Variants in CCSER1 observed in about 807,000 individuals in gnomAD.
CCSER1 encodes the protein serine-rich coiled-coil domain-containing protein 1.
A neutral mutation model predicts 82.0 loss-of-function variants in CCSER1; 41 were observed. The ratio of observed to expected loss-of-function variants is 0.50; its 90% confidence interval spans 0.39 to 0.65. The LOEUF is 0.65. Among genes scored for constraint, CCSER1 ranks in the 30% least tolerant of loss-of-function variants. The pLI, the probability that CCSER1 is intolerant of heterozygous loss-of-function variation, is 0.00. For missense variants in CCSER1, 1,119 were observed against 1,064.2 expected, an observed-to-expected ratio of 1.05 and a Z score of -0.72; for synonymous variants, 414 against 383.9, an observed-to-expected ratio of 1.08 and a Z score of -0.92.
intron 10 of CCSER1, among the ~76,000 whole-genome samples, chr4:91,143,255 T>A (rs1297176316): frequency 2.3e-5 from 2 of 88,246 alleles, no homozygotes; most frequent in Non-Finnish European, 4.6e-5. Flanking sequence ...GTGAATTTGA[T>A]TTTTTTTTTT....
At chr4:91,526,281 C>T (rs1311673176) in intron 10 of CCSER1, among the ~76,000 whole-genome samples, 1 of 152,194 alleles carries the variant, frequency 6.6e-6, no homozygotes, top group African/African-American at 2.4e-5. Context: ...TGGATAAACT[C>T]AACCAATTGT....
chr4:91,311,520 G>A (rs1263219389), intron 10 of CCSER1, among the ~76,000 whole-genome samples: 1 of 151,788 alleles, frequency 6.6e-6, no homozygotes, highest in African/African-American at 2.4e-5. Flanking sequence ...TTATTTCATT[G>A]AACATGCCTA....
intron 7 of CCSER1, among the ~76,000 whole-genome samples, chr4:90,732,540 CATAAACATT>C (rs1231515281): frequency 1.3e-5 from 2 of 152,094 alleles, no homozygotes; most frequent in African/African-American, 2.4e-5. Context: ...AGGTATTTAA[CATAAACATT>C]ATTGTACAAA....
At chr4:91,442,186 A>G (rs1215564402) in intron 10 of CCSER1, among the ~76,000 whole-genome samples, 1 of 151,102 alleles carries the variant, frequency 6.6e-6, no homozygotes, top group Non-Finnish European at 1.5e-5. Context: ...CCAAAAGAAC[A>G]AAGCTGGAGG....
At chr4:90,703,100 A>T (rs559477072) in intron 6 of CCSER1, among the ~76,000 whole-genome samples, 30 of 152,036 alleles carry the variant, frequency 2.0e-4, no homozygotes, top group African/African-American at 7.0e-4. Flanking sequence ...GCTTTCTCTT[A>T]TGGGCATTTA....
At chr4:90,915,338 C>G (rs1460089373) in intron 8 of CCSER1, among the ~76,000 whole-genome samples, 1 of 152,110 alleles carries the variant, frequency 6.6e-6, no homozygotes, top group East Asian at 1.9e-4. Flanking sequence ...GGCTTCATCC[C>G]TGGGATGTGA....
intron 9 of CCSER1, among the ~76,000 whole-genome samples, chr4:90,933,347 C>G (rs1383472495): frequency 1.3e-5 from 2 of 151,488 alleles, no homozygotes; most frequent in Admixed American, 6.6e-5. Context: ...GCCACCACGC[C>G]CGGCTAATTT....
rs576593041 is a variant in CCSER1, at chr4:90,255,446, A to C, written c.-41-52798A>C. Reference sequence around the variant, plus strand: ...ACCATCTCTGCTCTGCATTTAATAAATATGAATCATTTTATAGAAATACAG... The same window carrying C: ...ACCATCTCTGCTCTGCATTTAATAACTATGAATCATTTTATAGAAATACAG... On this transcript the variant is annotated intron_variant, in intron 1 of 10. Transcript: ENST00000509176. Among the ~76,000 whole-genome samples the C allele has an allele frequency of 4.6e-5, 7 of 152,260 alleles. No individual in the cohort carries two copies. The South Asian group carries it at 1.5e-3, about 32-fold the overall frequency.
At chr4:91,595,886 G>T (rs897769044) in intron 10 of CCSER1, among the ~76,000 whole-genome samples, 1 of 133,952 alleles carries the variant, frequency 7.5e-6, no homozygotes, top group African/African-American at 2.9e-5. Context: ...CCTGCACAAT[G>T]CAATCTCCTA....
intron 10 of CCSER1, among the ~76,000 whole-genome samples, chr4:91,329,865 A>G (rs1352661700): frequency 1.3e-5 from 2 of 152,026 alleles, no homozygotes; most frequent in African/African-American, 4.8e-5. Flanking sequence ...AATGTTATTT[A>G]TATTTGGCTT....
At chr4:91,437,696 C>T (rs979218008) in intron 10 of CCSER1, among the ~76,000 whole-genome samples, 58 of 152,298 alleles carry the variant, frequency 3.8e-4, no homozygotes, top group South Asian at 2.7e-3. Flanking sequence ...ACTCAGGAAG[C>T]GCAAGGGGTC....
intron 6 of CCSER1, among the ~76,000 whole-genome samples, chr4:90,710,982 T>C (rs1400721044): frequency 6.6e-6 from 1 of 152,158 alleles, no homozygotes; most frequent in African/African-American, 2.4e-5. Context: ...TTTATCTATT[T>C]CTTTGTGTCC....
At chr4:90,699,375 G>T (rs554476843) in intron 6 of CCSER1, among the ~76,000 whole-genome samples, 8 of 152,258 alleles carry the variant, frequency 5.3e-5, no homozygotes, top group African/African-American at 1.4e-4. Context: ...CGGGGCATGA[G>T]AATCTCTTGA....
intron 1 of CCSER1, among the ~76,000 whole-genome samples, chr4:90,199,534 A>G (rs1447806550): frequency 1.3e-5 from 2 of 152,226 alleles, no homozygotes; most frequent in African/African-American, 2.4e-5. Flanking sequence ...AAATTATTGT[A>G]TAATTAAAAA....
intron 3 of CCSER1, among the ~76,000 whole-genome samples, chr4:90,368,499 G>A (rs1746694905): frequency 6.6e-6 from 1 of 151,730 alleles, no homozygotes; most frequent in South Asian, 2.1e-4. Context: ...TGGGCATTGT[G>A]GTGTGCACCT....
intron 10 of CCSER1, among the ~76,000 whole-genome samples, chr4:91,376,905 C>CCCCTTCCG (rs1750456935): frequency 6.7e-6 from 1 of 149,920 alleles, no homozygotes; most frequent in Non-Finnish European, 1.5e-5. Flanking sequence ...TATCCCTCCC[C>CCCCTTCCG]CCACCCAGGA....
At position 90,628,028 on chromosome 4, in the gene CCSER1, T is replaced by A. The variant is rs756580367; in HGVS notation, c.1728T>A (p.Asn576Lys). The A allele has an allele frequency of 3.7e-6, 6 of 1,611,652 alleles. No homozygotes were observed. The highest frequency in any genetic ancestry group is 1.6e-4 in the Middle Eastern group (1 of 6,066). Residue 576 changes from asparagine to lysine, a missense_variant, in exon 6 of 11, where the codon AAT becomes AAA. By Grantham distance (94) the Asn-to-Lys change is moderately conservative (BLOSUM62 0). Coordinates refer to ENST00000509176, the MANE Select transcript of CCSER1 (RefSeq NM_001145065.2). Reference sequence around the variant, plus strand: ...TTCTTTTTTTTTTTCTTGTTAGGAATCTTTCCCTGAAATTAACAAAGGACG... The same window carrying A: ...TTCTTTTTTTTTTTCTTGTTAGGAAACTTTCCCTGAAATTAACAAAGGACG... Reference protein sequence around the residue: ...EPEFPEPSKQNLSLKLTKDVD... With the variant: ...EPEFPEPSKQKLSLKLTKDVD...
chr4:91,166,266 A>T (rs114870590), intron 10 of CCSER1, among the ~76,000 whole-genome samples: 1 of 152,316 alleles, frequency 6.6e-6, no homozygotes, highest in Non-Finnish European at 1.5e-5. Flanking sequence ...ATTTTGTCTT[A>T]TAAGTTGTCA....
intron 1 of CCSER1, among the ~76,000 whole-genome samples, chr4:90,224,711 A>G (rs951065841): frequency 6.6e-6 from 1 of 152,200 alleles, no homozygotes; most frequent in Admixed American, 6.5e-5. Context: ...TTTGGCATGT[A>G]ATAGACACTC....
Sources: allele counts gnomAD v4.1 joint callset (sites outside exome capture counted in the v4.1 genomes callset), GRCh38; gene constraint gnomAD v4.1.1; transcripts MANE v1.5; gene names NCBI Gene and HGNC (gene_info 2026-07-23, HGNC 2026-07-21).